CACNA1C: variants seen among roughly 807,000 people sequenced by gnomAD.
CACNA1C encodes the protein calcium voltage-gated channel subunit alpha1 C.
In CACNA1C, 30 loss-of-function variants were observed where a neutral mutation model predicts 229.0. The ratio of observed to expected loss-of-function variants is 0.13; its 90% CI spans 0.10 to 0.18. CACNA1C has a LOEUF of 0.18. CACNA1C is among the 10% of genes least tolerant of loss of function. The probability of loss-of-function intolerance (pLI) is 1.00; values close to 1 mark genes in which losing one functional copy is unlikely to be tolerated. For missense variants in CACNA1C, 1,658 were observed against 2,845.0 expected (o/e 0.58, Z 9.49); for synonymous variants, 1,114 against 1,132.5 (o/e 0.98, Z 0.33).
chr12:2,682,879 C>CACAA (rs369177818), intron 43 of CACNA1C, among the ~76,000 whole-genome samples: 1 of 34,136 alleles, frequency 2.9e-5, no homozygotes, highest in African/African-American at 1.9e-4. Flanking sequence ...CACACACACA[C>CACAA]CACACACACA....
chr12:2,642,921 G>C (rs746051337), intron 30 of CACNA1C, among the ~76,000 whole-genome samples: 1 of 152,218 alleles, frequency 6.6e-6, no homozygotes, highest in Non-Finnish European at 1.5e-5. Flanking sequence ...GGAGCCATCA[G>C]GCTGCACATG....
intron 3 of CACNA1C, among the ~76,000 whole-genome samples, chr12:2,395,006 CTTAT>C (rs1214138544): frequency 6.6e-6 from 1 of 151,972 alleles, no homozygotes; most frequent in Non-Finnish European, 1.5e-5. Context: ...AATTCCCAGC[CTTAT>C]TTATTTATTT....
Position 2,597,263 on chromosome 12 carries a change from A to G in CACNA1C, c.2827A>G (p.Ile943Val), listed in dbSNP as rs786205757. The G allele has an allele frequency of 6.2e-7, 1 of 1,611,828 alleles. No homozygotes were observed. Among genetic ancestry groups the G allele is most frequent in the Non-Finnish European group, 8.5e-7 (1 of 1,178,656 alleles). ...LFYFDIVFTT[I>V]FTIEIALKMT... is the part of the protein sequence containing the mutation. ...TTATTTTGATATTGTTTTTACCACC[A>G]TTTTCACCATTGAAATTGCTCTGAA... Residue 943 changes from isoleucine (I) to valine (V), a missense_variant, in exon 21 of 47, where the codon ATT becomes GTT. Ile to Val is a conservative substitution (Grantham distance 29, BLOSUM62 3). This residue lies in a region of CACNA1C where 52 missense variants were observed against 99.0 expected (regional missense o/e 0.53). Coordinates refer to ENST00000399655, the MANE Select transcript of CACNA1C (RefSeq NM_000719.7). This position sits in a 1 kb window ranked among gnomAD's most constrained non-coding sequence, Gnocchi z 4.3.
intron 1 of CACNA1C, among the ~76,000 whole-genome samples, chr12:1,998,521 C>T (rs1298452035): frequency 6.6e-6 from 1 of 152,198 alleles, no homozygotes; most frequent in Non-Finnish European, 1.5e-5. Context: ...CAATCACCTA[C>T]TTAGTGTAGT....
intron 29 of CACNA1C, 141 bp downstream of exon 29, chr12:2,612,154 T>G (rs1488029542): frequency 1.6e-6 from 1 of 629,638 alleles, no homozygotes; most frequent in Non-Finnish European, 2.9e-6. Flanking sequence ...CGATGGTCAG[T>G]GCCCCAACTC....
intron 18 of CACNA1C, among the ~76,000 whole-genome samples, chr12:2,586,328 C>A (rs1347807726): frequency 1.3e-5 from 2 of 152,186 alleles, no homozygotes; most frequent in Non-Finnish European, 2.9e-5. Context: ...GGACAGCTGC[C>A]ACCACAGATG....
chr12:2,437,730 G>T (rs1454996316), intron 3 of CACNA1C, among the ~76,000 whole-genome samples: 1 of 151,540 alleles, frequency 6.6e-6, no homozygotes, highest in Non-Finnish European at 1.5e-5. Flanking sequence ...GAGGTAGTTT[G>T]GATGGTGGTA....
intron 11 of CACNA1C, among the ~76,000 whole-genome samples, chr12:2,564,227 A>T (rs929983546): frequency 6.6e-6 from 1 of 152,134 alleles, no homozygotes; most frequent in African/African-American, 2.4e-5. Context: ...TTACGATATG[A>T]TACGCACTGT....
At chr12:2,480,822 G>A (rs2239089) in intron 5 of CACNA1C, among the ~76,000 whole-genome samples, 57,150 of 152,072 alleles carry the variant, frequency 0.38, 12,210 homozygotes, top group East Asian at 0.73. Context: ...GAATAATTGG[G>A]AATGTGAAAT....
chr12:2,159,647 C>A (rs2095742927), intron 3 of CACNA1C, among the ~76,000 whole-genome samples: 1 of 149,588 alleles, frequency 6.7e-6, no homozygotes, highest in African/African-American at 2.5e-5. Context: ...TCTCATTGCC[C>A]AGGCTGGAGT....
In CACNA1C at chr12:2,578,709, C is replaced by T. The variant is rs115931809; in HGVS notation, c.1896-2881C>T. On this transcript the variant is annotated intron_variant, in intron 13 of 46. Transcript: ENST00000399655. The stretch of plus-strand genomic sequence containing the variant: ...AGCTATGGTTCTCATTTCCTTGAGA[C>T]GGGGAAGGTGATGGGTGGGAAGCAG... Among the ~76,000 whole-genome samples, 1,344 of 152,228 alleles carry T rather than the reference C, an allele frequency of 8.8e-3. 16 individuals are homozygous for T. Among genetic ancestry groups the T allele is most frequent in the African/African-American group, 0.03 (1,261 of 41,548 alleles).
intron 3 of CACNA1C, among the ~76,000 whole-genome samples, chr12:2,428,501 G>A (rs1460982069): frequency 6.6e-6 from 1 of 152,208 alleles, no homozygotes; most frequent in African/African-American, 2.4e-5. Context: ...CCACCTTCCT[G>A]AGGCACAGAT....
intron 1 of CACNA1C, among the ~76,000 whole-genome samples, chr12:2,063,189 G>T (rs2058136218): frequency 6.8e-6 from 1 of 146,770 alleles, no homozygotes; most frequent in Non-Finnish European, 1.5e-5. Context: ...GTCTCGCTCT[G>T]TCACCAGGCT....
chr12:2,507,188 C>T lies in CACNA1C; in HGVS notation c.1217+2243C>T, dbSNP rs144349260. The stretch of plus-strand genomic sequence containing the variant: ...TGGAGACCTTCGCCAGCCTCTGTTT[C>T]CTGACCTGTTCTGAGAGCTGCCGTC... On this transcript the variant is annotated intron_variant, in intron 8 of 46. Coordinates refer to ENST00000399655, the MANE Select transcript of CACNA1C (RefSeq NM_000719.7). Among the ~76,000 whole-genome samples the T allele has an allele frequency of 3.2e-3, 491 of 152,306 alleles. 4 individuals carry two copies. The highest frequency in any genetic ancestry group is 0.011 in the African/African-American group (468 of 41,556).
At chr12:2,684,992 A>G (rs10848686) in intron 43 of CACNA1C, among the ~76,000 whole-genome samples, 24,456 of 151,930 alleles carry the variant, frequency 0.16, 3,424 homozygotes, top group African/African-American at 0.41. Flanking sequence ...GTGCTTCTTG[A>G]ACTGCAGGCT....
At chr12:2,153,961 T>G (rs1297192270) in intron 3 of CACNA1C, among the ~76,000 whole-genome samples, 1 of 152,204 alleles carries the variant, frequency 6.6e-6, no homozygotes, top group African/African-American at 2.4e-5. Flanking sequence ...TTATTTCCCT[T>G]TGTCTGCACT....
intron 3 of CACNA1C, among the ~76,000 whole-genome samples, chr12:2,281,548 T>C (rs1020139192): frequency 2.6e-4 from 40 of 152,348 alleles, no homozygotes; most frequent in African/African-American, 9.6e-4. Flanking sequence ...TATTTTTACT[T>C]AGTATAGAAT....
At chr12:2,490,719 A>C (rs1325008979) in intron 6 of CACNA1C, among the ~76,000 whole-genome samples, 1 of 152,184 alleles carries the variant, frequency 6.6e-6, no homozygotes, top group Non-Finnish European at 1.5e-5. Context: ...TCACATCCAA[A>C]TCTCTAAAGA....
chr12:2,637,756 G>A (rs1049009392), intron 30 of CACNA1C, among the ~76,000 whole-genome samples: 5 of 152,306 alleles, frequency 3.3e-5, no homozygotes, highest in African/African-American at 1.2e-4. Context: ...GGTATTTTTA[G>A]TCATCCTCTC....
Sources: gnomAD v4.1 joint callset for allele counts (sites outside exome capture counted in the v4.1 genomes callset) on GRCh38, gnomAD v4.1.1 for gene constraint, gnomAD v4.1.1 regional missense constraint, Gnocchi (gnomAD v3.1) non-coding constraint, MANE v1.5 for transcripts, NCBI Gene and HGNC (gene_info 2026-07-23, HGNC 2026-07-21) for gene names.